The following PNLIPRP3 variants were observed in gnomAD, a reference collection of about 807,000 sequenced individuals.
The protein encoded by PNLIPRP3 is pancreatic lipase-related protein 3.
In PNLIPRP3, 58 loss-of-function variants were observed where a neutral mutation model predicts 52.8. That is an observed-to-expected ratio of 1.10 (90% CI 0.89 to 1.37). PNLIPRP3 has a LOEUF of 1.37. PNLIPRP3 is among the 40% of genes most tolerant of loss of function. PNLIPRP3 has a pLI of 0.00. For missense variants in PNLIPRP3, 593 were observed against 561.6 expected, an observed-to-expected ratio of 1.06 and a Z score of -0.57; for synonymous variants, 192 against 185.0, an observed-to-expected ratio of 1.04 and a Z score of -0.31.
intron 1 of PNLIPRP3, among the ~76,000 whole-genome samples, chr10:116,428,347 C>T (rs1265828840): frequency 1.3e-5 from 2 of 151,968 alleles, no homozygotes; most frequent in Non-Finnish European, 2.9e-5. Context: ...AAAGAGTTGC[C>T]GGACAGTCTT....
In PNLIPRP3 at chr10:116,460,996, A is replaced by G; in HGVS notation, c.596A>G (p.Asn199Ser). ...GLDPAGPFFH[N>S]TPKEVRLDPS... ...GACCCAGCTGGGCCATTTTTCCACAACACTCCAAAGGAAGTCAGGCTAGAC... is the reference window on the plus strand; with the variant it reads ...GACCCAGCTGGGCCATTTTTCCACAGCACTCCAAAGGAAGTCAGGCTAGAC... The change falls in exon 6 of 12, where the codon AAC becomes AGC. Residue 199 changes from asparagine (N) to serine (S), a missense_variant. Coordinates refer to ENST00000369230, the MANE Select transcript of PNLIPRP3 (RefSeq NM_001011709.3). The G allele has an allele frequency of 6.2e-7, 1 of 1,612,676 alleles. No homozygotes were observed. The highest frequency in any genetic ancestry group is 8.5e-7 in the Non-Finnish European group (1 of 1,180,002).
At chr10:116,440,054 T>C in intron 2 of PNLIPRP3, 1 of 728,362 alleles carries the variant, frequency 1.4e-6, no homozygotes, top group South Asian at 1.4e-5. Context: ...ATCCTGACTG[T>C]ATTGTTCGCT....
At position 116,455,802 on chromosome 10, in the gene PNLIPRP3, AAGGATACC is replaced by A; in HGVS notation, c.541_548del (p.Ile181ProfsTer32). On this transcript the variant is annotated frameshift_variant, in exon 5 of 12. Transcript: ENST00000369230. LOFTEE classifies it high-confidence loss of function. ...CACACCTGGCTGGGGAAGCTGGGTC[AAGGATACC>A]AGGCCTTGGAAGAATAACTGGTAAG... 6.2e-7 allele frequency: 1 copy of A among 1,614,088 alleles called. No individual in the cohort carries two copies. The highest frequency in any genetic ancestry group is 8.5e-7 in the Non-Finnish European group (1 of 1,179,954).
chr10:116,443,103 A>C lies in PNLIPRP3; in HGVS notation c.253A>C (p.Thr85Pro). The C allele has an allele frequency of 6.2e-7, 1 of 1,610,234 alleles. No individual in the cohort carries two copies. Among genetic ancestry groups the C allele is most frequent in the Non-Finnish European group, 8.5e-7 (1 of 1,177,196 alleles). ...AACTATCCAAGCCTCATATTTTGGA[A>C]CAGACAAGATCACCCGTATCAACAT... ...SSTIQASYFG[T>P]DKITRINIAG... Residue 85 changes from threonine to proline, a missense_variant, in exon 3 of 12, where the codon ACA becomes CCA. Physicochemically the swap from Thr to Pro is conservative, Grantham distance 38 (BLOSUM62 -1). Coordinates refer to ENST00000369230, the MANE Select transcript of PNLIPRP3 (RefSeq NM_001011709.3).
chr10:116,465,936 T>C (rs1325635293), intron 7 of PNLIPRP3, 114 bp from the exon 8 acceptor site: 4 of 767,992 alleles, frequency 5.2e-6, no homozygotes, highest in Non-Finnish European at 9.2e-6. Context: ...AGACAAAAGG[T>C]CTGGCCCTCC....
chr10:116,433,164 C>A (rs1313223087), intron 1 of PNLIPRP3, among the ~76,000 whole-genome samples: 7 of 113,970 alleles, frequency 6.1e-5, no homozygotes, highest in Admixed American at 9.4e-5. Flanking sequence ...AGTGAGGAAG[C>A]CTTTTCCAAA....
In PNLIPRP3 at chr10:116,436,829, C is replaced by G; in HGVS notation, c.168C>G (p.Phe56Leu). The change falls in exon 2 of 12, where the codon TTC becomes TTG. Residue 56 changes from phenylalanine to leucine, a missense_variant. By Grantham distance (22) the Phe-to-Leu change is conservative. Transcript: ENST00000369230. ...CTCCAGAGAAGATAAACACTCGTTT[C>G]CTGCTCTACACTATACACAATCCCA... ...PWSPEKINTR[F>L]LLYTIHNPNA... 1 of 1,613,538 alleles carries G rather than the reference C, an allele frequency of 6.2e-7. No individual in the cohort carries two copies. Among genetic ancestry groups the G allele is most frequent in the South Asian group, 1.1e-5 (1 of 90,998 alleles).
chr10:116,461,192 G>A lies in PNLIPRP3; in HGVS notation c.710G>A (p.Gly237Asp). The A allele has an allele frequency of 6.2e-7, 1 of 1,614,120 alleles. No individual in the cohort carries two copies. Among genetic ancestry groups the A allele is most frequent in the East Asian group, 2.2e-5 (1 of 44,878 alleles). ...GGTGTTGGAACCATTGATGCTTGTGGTCATCTTGACTTTTACCCAAATGGA... is the reference window on the plus strand; with the variant it reads ...GGTGTTGGAACCATTGATGCTTGTGATCATCTTGACTTTTACCCAAATGGA... Reference protein sequence around the residue: ...ELGVGTIDACGHLDFYPNGGK... With the variant: ...ELGVGTIDACDHLDFYPNGGK... The change falls in exon 7 of 12, where the codon GGT becomes GAT. Residue 237 changes from glycine to aspartate, a missense_variant. By Grantham distance (94) the Gly-to-Asp change is moderately conservative. Coordinates refer to ENST00000369230, the MANE Select transcript of PNLIPRP3 (RefSeq NM_001011709.3).
intron 8 of PNLIPRP3, among the ~76,000 whole-genome samples, chr10:116,467,404 A>T (rs1013562859): frequency 6.6e-6 from 1 of 152,148 alleles, no homozygotes; most frequent in East Asian, 1.9e-4. Context: ...TCCATCTCAA[A>T]AAATAAATAA....
chr10:116,457,608 T>C (rs1846134484), intron 5 of PNLIPRP3, among the ~76,000 whole-genome samples: 1 of 152,088 alleles, frequency 6.6e-6, no homozygotes, highest in East Asian at 1.9e-4. Flanking sequence ...AAAACTGAAC[T>C]TTTTCACTGA....
intron 2 of PNLIPRP3, among the ~76,000 whole-genome samples, chr10:116,437,317 A>G (rs1845788628): frequency 6.6e-6 from 1 of 152,204 alleles, no homozygotes; most frequent in Non-Finnish European, 1.5e-5. Context: ...AACAAAGTGA[A>G]GAAGAGCTCA....
At position 116,476,719 on chromosome 10, in the gene PNLIPRP3, A is replaced by G. The variant is rs1318722096; in HGVS notation, c.1240A>G (p.Thr414Ala). 1.9e-6 allele frequency: 3 copies of G among 1,608,508 alleles called. No individual in the cohort carries two copies. The highest frequency in any genetic ancestry group is 2.2e-5 in the South Asian group (2 of 89,722). Reference sequence around the variant, plus strand: ...TGCAGATGTTAACGTTGGAAACATTACAAGTGTTCAGTTCATCTGGAAAAA... The same window carrying G: ...TGCAGATGTTAACGTTGGAAACATTGCAAGTGTTCAGTTCATCTGGAAAAA... Reference protein sequence around the residue: ...IDADVNVGNITSVQFIWKKHL... With the variant: ...IDADVNVGNIASVQFIWKKHL... Residue 414 changes from threonine (T) to alanine (A), a missense_variant, in exon 11 of 12, where the codon ACA (threonine) becomes GCA (alanine). By Grantham distance (58) the Thr-to-Ala change is moderately conservative. Transcript: ENST00000369230.
At chr10:116,438,751 T>C (rs759907677) in intron 2 of PNLIPRP3, among the ~76,000 whole-genome samples, 5 of 152,188 alleles carry the variant, frequency 3.3e-5, no homozygotes, top group Non-Finnish European at 7.3e-5. Context: ...CTGACCCATA[T>C]GTTATATGAG....
In PNLIPRP3 at chr10:116,431,706, T is replaced by A. The variant is rs1469494263; in HGVS notation, c.49+3645T>A. ...ATAAATGAACAAGCCCAAAAGCAAC[T>A]ATTTTTCCCCAGAGATTTTTAGATT... On this transcript the variant is annotated intron_variant, in intron 1 of 11. Transcript: ENST00000369230. Among the ~76,000 whole-genome samples the A allele has an allele frequency of 2.0e-5, 3 of 152,166 alleles. No individual in the cohort carries two copies. In the East Asian group the frequency reaches 5.8e-4, roughly 29 times the overall value.
chr10:116,463,047 G>A (rs868196231), intron 7 of PNLIPRP3, among the ~76,000 whole-genome samples: 29 of 152,130 alleles, frequency 1.9e-4, no homozygotes, highest in Non-Finnish European at 3.7e-4. Context: ...ACAATTAATT[G>A]TGAATATAAA....
At chr10:116,463,371 C>A (rs561882501) in intron 7 of PNLIPRP3, among the ~76,000 whole-genome samples, 1 of 152,184 alleles carries the variant, frequency 6.6e-6, no homozygotes, top group African/African-American at 2.4e-5. Flanking sequence ...GATGACCCTC[C>A]GTGTCAGGAA....
At chr10:116,460,885 A>G in intron 5 of PNLIPRP3, 81 bp from the exon 6 acceptor site, 2 of 1,523,676 alleles carry the variant, frequency 1.3e-6, no homozygotes, top group Admixed American at 4.0e-5. Flanking sequence ...GAAATAATGT[A>G]GGAAAGGACA....
At chr10:116,460,708 A>G (rs1368255148) in intron 5 of PNLIPRP3, among the ~76,000 whole-genome samples, 1 of 152,096 alleles carries the variant, frequency 6.6e-6, no homozygotes, top group African/African-American at 2.4e-5. Context: ...CCATATACAG[A>G]CCCTAGAATA....
rs747710242 is a variant in PNLIPRP3 at position 116,444,382 on chromosome 10, G to T, written c.325G>T (p.Val109Leu). 2.5e-6 allele frequency: 4 copies of T among 1,603,880 alleles called. No individual in the cohort carries two copies. The highest frequency in any genetic ancestry group is 3.4e-6 in the Non-Finnish European group (4 of 1,174,756). ...DGKWQRDMCN[V>L]LLQLEDINCI... ...ATATTTATATAAATCTTTGTGCCAG[G>T]TGTTGCTACAGCTGGAAGATATAAA... Residue 109 changes from valine (V) to leucine (L), a missense_variant and splice_region_variant, in exon 4 of 12, where the codon GTG (valine) becomes TTG (leucine). Coordinates refer to ENST00000369230, the MANE Select transcript of PNLIPRP3 (RefSeq NM_001011709.3).
Sources: gnomAD v4.1 joint callset for allele counts (sites outside exome capture counted in the v4.1 genomes callset) on GRCh38, gnomAD v4.1.1 for gene constraint, MANE v1.5 for transcripts, NCBI Gene and HGNC (gene_info 2026-07-23, HGNC 2026-07-21) for gene names.